KIAA1549L: variants seen among roughly 807,000 people sequenced by gnomAD.
KIAA1549L encodes the protein KIAA1549 like.
A neutral mutation model predicts 160.7 loss-of-function variants in KIAA1549L; 88 were observed. That is an observed-to-expected ratio of 0.55 (90% CI 0.46 to 0.65). The LOEUF (loss-of-function observed/expected upper bound fraction) is 0.65. Among genes scored for constraint, KIAA1549L ranks in the 30% least tolerant of loss-of-function variants. KIAA1549L has a pLI of 0.00. For missense variants in KIAA1549L, 2,258 were observed against 2,437.5 expected (o/e 0.93, Z 1.55); for synonymous variants, 950 against 976.7 (o/e 0.97, Z 0.51).
At chr11:33,428,979 TTTTG>T (rs1851176293) in intron 1 of KIAA1549L, among the ~76,000 whole-genome samples, 1 of 152,198 alleles carries the variant, frequency 6.6e-6, no homozygotes, top group African/African-American at 2.4e-5. Flanking sequence ...TCGTTTTGTT[TTTTG>T]TTTTTGAGGC....
chr11:33,405,799 G>A (rs893652390), intron 1 of KIAA1549L, among the ~76,000 whole-genome samples: 3 of 134,100 alleles, frequency 2.2e-5, no homozygotes, highest in South Asian at 2.5e-4. Flanking sequence ...CTGAGACTGC[G>A]CCACTGCACT....
chr11:33,499,244 G>A (rs528919024), intron 1 of KIAA1549L, among the ~76,000 whole-genome samples: 3 of 152,216 alleles, frequency 2.0e-5, no homozygotes, highest in South Asian at 2.1e-4. Flanking sequence ...CAAGTAAATC[G>A]CTACCATCTG....
At chr11:33,377,191 A>G (rs1849973696) in intron 1 of KIAA1549L, among the ~76,000 whole-genome samples, 1 of 152,218 alleles carries the variant, frequency 6.6e-6, no homozygotes, top group South Asian at 2.1e-4. Flanking sequence ...GAAATGTATC[A>G]TTAGAACACG....
intron 1 of KIAA1549L, among the ~76,000 whole-genome samples, chr11:33,449,027 T>G (rs558517099): frequency 6.6e-6 from 1 of 152,290 alleles, no homozygotes; most frequent in Non-Finnish European, 1.5e-5. Flanking sequence ...GCAATGAACT[T>G]TTGTTTCTAT....
At chr11:33,562,581 C>T (rs1329304096) in intron 8 of KIAA1549L, among the ~76,000 whole-genome samples, 1 of 152,130 alleles carries the variant, frequency 6.6e-6, no homozygotes, top group Admixed American at 6.5e-5. Flanking sequence ...ACATGCCCTT[C>T]CCTCTGGGTC....
chr11:33,663,617 G>A (rs1212019281), intron 20 of KIAA1549L, among the ~76,000 whole-genome samples: 1 of 152,190 alleles, frequency 6.6e-6, no homozygotes, highest in Non-Finnish European at 1.5e-5. Flanking sequence ...AGCAAGTACA[G>A]TTAGCTGAAT....
rs140361079 is a variant in KIAA1549L, at chr11:33,541,426, C to T, written c.239-376C>T. On this transcript the variant is annotated intron_variant, in intron 1 of 20. Coordinates refer to ENST00000658780, the MANE Select transcript of KIAA1549L (RefSeq NM_012194.3). The stretch of plus-strand genomic sequence containing the variant: ...TGAATACACAGTTCTTCTTTAGTTT[C>T]GTGCATTTTGGTTTCCTGGATGAGG... Among the ~76,000 whole-genome samples the T allele has an allele frequency of 2.6e-3, 392 of 152,310 alleles. 1 individual carries two copies. Among genetic ancestry groups the T allele is most frequent in the African/African-American group, 8.9e-3 (370 of 41,562 alleles).
At chr11:33,619,587 AT>A (rs577234960) in intron 16 of KIAA1549L, among the ~76,000 whole-genome samples, 4 of 152,146 alleles carry the variant, frequency 2.6e-5, no homozygotes, top group African/African-American at 9.7e-5. Flanking sequence ...TTAAAATGGG[AT>A]TTTTTAATGG....
At chr11:33,613,178 A>G (rs1381225655) in intron 15 of KIAA1549L, among the ~76,000 whole-genome samples, 1 of 152,222 alleles carries the variant, frequency 6.6e-6, no homozygotes, top group Non-Finnish European at 1.5e-5. Context: ...AGGAATTGCC[A>G]TACTGCTTTC....
At chr11:33,451,711 A>T (rs1322444055) in intron 1 of KIAA1549L, among the ~76,000 whole-genome samples, 1 of 152,256 alleles carries the variant, frequency 6.6e-6, no homozygotes, top group African/African-American at 2.4e-5. Context: ...ACAGAAGCAG[A>T]CTGAGCTTCT....
intron 1 of KIAA1549L, among the ~76,000 whole-genome samples, chr11:33,503,656 C>A (rs908028121): frequency 3.3e-5 from 5 of 152,160 alleles, no homozygotes; most frequent in Admixed American, 3.3e-4. Flanking sequence ...TGGTGATATT[C>A]CCATTATATA....
At chr11:33,535,402 G>T (rs1030030036) in intron 1 of KIAA1549L, among the ~76,000 whole-genome samples, 1 of 152,126 alleles carries the variant, frequency 6.6e-6, no homozygotes, top group Admixed American at 6.5e-5. Flanking sequence ...GCTGGGCATG[G>T]TGGCTCATGC....
intron 1 of KIAA1549L, among the ~76,000 whole-genome samples, chr11:33,426,873 A>G (rs1353921896): frequency 2.0e-5 from 3 of 152,068 alleles, no homozygotes; most frequent in African/African-American, 4.8e-5. Flanking sequence ...TATCATTTAT[A>G]TCTGTGCTTG....
At chr11:33,638,773 T>A (rs1162087167) in intron 16 of KIAA1549L, among the ~76,000 whole-genome samples, 1 of 152,228 alleles carries the variant, frequency 6.6e-6, no homozygotes, top group Non-Finnish European at 1.5e-5. Context: ...CAGTTCTAAT[T>A]CTAGTCTTAA....
At chr11:33,576,420 C>T (rs1183944657) in intron 10 of KIAA1549L, among the ~76,000 whole-genome samples, 2 of 152,190 alleles carry the variant, frequency 1.3e-5, no homozygotes, top group Non-Finnish European at 2.9e-5. Flanking sequence ...TTTTCCTTTG[C>T]ACCTCTCCCC....
chr11:33,461,404 G>A (rs1398448550), intron 1 of KIAA1549L, among the ~76,000 whole-genome samples: 9 of 152,170 alleles, frequency 5.9e-5, no homozygotes, highest in Admixed American at 5.9e-4. Flanking sequence ...ACAGGTGAGT[G>A]CTGAGCTGGG....
intron 18 of KIAA1549L, 109 bp from the exon 19 acceptor site, chr11:33,658,641 G>T: frequency 8.9e-7 from 1 of 1,120,948 alleles, no homozygotes; most frequent in African/African-American, 1.5e-5. Flanking sequence ...GACCTCATGA[G>T]GCTTGGAGGC....
In KIAA1549L at chr11:33,658,867, G is replaced by T; in HGVS notation, c.5976G>T (p.Thr1992=). The T allele has an allele frequency of 6.4e-7, 1 of 1,560,816 alleles. No homozygotes were observed. Among genetic ancestry groups the T allele is most frequent in the African/African-American group, 1.4e-5 (1 of 73,422 alleles). ...TQMSRGPVSV[T]QLDQSALNYS... is the part of the protein sequence containing the mutation. The stretch of plus-strand genomic sequence containing the variant: ...TGTCCAGAGGCCCTGTGTCCGTGAC[G>T]CAGTTGGATCAGTCGGCTTTAAATT... The change falls in exon 19 of 21, where the codon ACG becomes ACT. Residue 1992 remains threonine (T), a synonymous_variant. Coordinates refer to ENST00000658780, the MANE Select transcript of KIAA1549L (RefSeq NM_012194.3).
At chr11:33,518,600 A>G (rs1343311569) in intron 1 of KIAA1549L, among the ~76,000 whole-genome samples, 1 of 152,162 alleles carries the variant, frequency 6.6e-6, no homozygotes, top group East Asian at 1.9e-4. Flanking sequence ...AAACCTAAGA[A>G]CTATGTCATA....
Sources: gnomAD v4.1 joint callset for allele counts (sites outside exome capture counted in the v4.1 genomes callset) on GRCh38, gnomAD v4.1.1 for gene constraint, MANE v1.5 for transcripts, NCBI Gene and HGNC (gene_info 2026-07-23, HGNC 2026-07-21) for gene names.